FAM149B1: variants seen among roughly 807,000 people sequenced by gnomAD.
FAM149B1 encodes family with sequence similarity 149 member B1, also known as primary cilium assembly protein FAM149B1.
A neutral mutation model predicts 75.3 loss-of-function variants in FAM149B1; 56 were observed. That is an observed-to-expected ratio of 0.74 (90% CI 0.60 to 0.93). The LOEUF (loss-of-function observed/expected upper bound fraction) is 0.93, where lower values mean the gene tolerates loss of function less well. Ranked by LOEUF, FAM149B1 falls within the 40% of genes least tolerant of loss-of-function variation. The probability of loss-of-function intolerance (pLI) is 0.00; values close to 1 mark genes in which losing one functional copy is unlikely to be tolerated. For synonymous variants in FAM149B1, 259 were observed against 256.1 expected, an observed-to-expected ratio of 1.01 and a Z score of -0.11; for missense variants, 639 against 708.4, an observed-to-expected ratio of 0.90 and a Z score of 1.11.
chr10:73,230,027 A>T (rs1219599549), intron 8 of FAM149B1, among the ~76,000 whole-genome samples: 1 of 152,176 alleles, frequency 6.6e-6, no homozygotes, highest in African/African-American at 2.4e-5. Context: ...AGAGTGCAGG[A>T]TTGTGTGATG....
At position 73,194,432 on chromosome 10, in the gene FAM149B1, G is replaced by A. The variant is rs574947117; in HGVS notation, c.542+839G>A. ...TTTTGAGACGGAGTCTTGCTGTCTC[G>A]CCCAGGCTGGAGTGCAGTGGCGCAG... On this transcript the variant is annotated intron_variant, in intron 5 of 13. Transcript: ENST00000242505. Among the ~76,000 whole-genome samples, 96 of 151,784 alleles carry A rather than the reference G, an allele frequency of 6.3e-4. No homozygotes were observed. In the South Asian group the frequency reaches 0.015, roughly 24 times the overall value.
chr10:73,237,200 T>A (rs772154035), intron 12 of FAM149B1, among the ~76,000 whole-genome samples: 2 of 152,134 alleles, frequency 1.3e-5, no homozygotes, highest in Non-Finnish European at 2.9e-5. Context: ...GACATAAATT[T>A]TGAGGGAACA....
intron 3 of FAM149B1, among the ~76,000 whole-genome samples, chr10:73,181,288 C>T (rs1242095693): frequency 1.3e-5 from 2 of 152,114 alleles, no homozygotes; most frequent in African/African-American, 2.4e-5. Flanking sequence ...GGATTATAGG[C>T]GTGAGCCACC....
rs527939812 is a variant in FAM149B1 at position 73,179,209 on chromosome 10, C to T, written c.282+1234C>T. ...CGATCTCTTGACCTTGTAATCTGCCCGCCTCAGCCTCTCAAAGTGCTGGGA... is the reference window on the plus strand; with the variant it reads ...CGATCTCTTGACCTTGTAATCTGCCTGCCTCAGCCTCTCAAAGTGCTGGGA... On this transcript the variant is annotated intron_variant, in intron 3 of 13. Transcript: ENST00000242505. Among the ~76,000 whole-genome samples, 29 of 152,212 alleles carry T rather than the reference C, an allele frequency of 1.9e-4. No individual in the cohort carries two copies. In the South Asian group the frequency reaches 3.3e-3, roughly 17 times the overall value.
chr10:73,177,027 A>G lies in FAM149B1; in HGVS notation c.153-819A>G, dbSNP rs559589218. 8.6e-5 allele frequency among the ~76,000 whole-genome samples: 13 copies of G among 151,864 alleles called. No individual in the cohort carries two copies. In the East Asian group the frequency reaches 1.4e-3, roughly 16 times the overall value. ...GGCAACAGAGCGAGACTCCATCTCA[A>G]AAAAACAAAACAAAAGTACAAACAA... is the stretch of plus-strand genomic sequence containing the variant. On this transcript the variant is annotated intron_variant, in intron 2 of 13. Coordinates refer to ENST00000242505, the MANE Select transcript of FAM149B1 (RefSeq NM_173348.2).
chr10:73,196,856 G>A (rs947252399), intron 5 of FAM149B1, among the ~76,000 whole-genome samples: 2 of 152,104 alleles, frequency 1.3e-5, no homozygotes, highest in African/African-American at 2.4e-5. Flanking sequence ...TAGGTATTTG[G>A]TTCAGTTCTC....
rs2042328892 is a variant in FAM149B1, at chr10:73,178,997, G to A, written c.282+1022G>A. ...TTTGTTTTTTTTGGAACGGAGTCTCGCTCTGTTGCCAGGCTGGAGTGCAGT... is the reference window on the plus strand; with the variant it reads ...TTTGTTTTTTTTGGAACGGAGTCTCACTCTGTTGCCAGGCTGGAGTGCAGT... On this transcript the variant is annotated intron_variant, in intron 3 of 13. Coordinates refer to ENST00000242505, the MANE Select transcript of FAM149B1 (RefSeq NM_173348.2). Among the ~76,000 whole-genome samples the A allele has an allele frequency of 2.0e-5, 3 of 151,358 alleles. No individual in the cohort carries two copies. In the South Asian group the frequency reaches 6.3e-4, roughly 32 times the overall value.
intron 4 of FAM149B1, among the ~76,000 whole-genome samples, 196 bp downstream of exon 4, chr10:73,192,894 A>G (rs559795892): frequency 1.3e-5 from 2 of 152,228 alleles, no homozygotes; most frequent in Non-Finnish European, 2.9e-5. Flanking sequence ...TTAACTAACA[A>G]TATGTGATCC....
At chr10:73,189,411 T>G (rs759456298) in intron 3 of FAM149B1, among the ~76,000 whole-genome samples, 124 of 152,306 alleles carry the variant, frequency 8.1e-4, no homozygotes, top group Non-Finnish European at 1.6e-3. Context: ...TGAAAACATA[T>G]GTGTAGAAAA....
intron 5 of FAM149B1, among the ~76,000 whole-genome samples, chr10:73,202,841 C>T (rs1002676336): frequency 1.3e-5 from 2 of 152,054 alleles, no homozygotes; most frequent in Admixed American, 1.3e-4. Context: ...CTGGTGTGCA[C>T]CACCTCATCT....
At position 73,242,131 on chromosome 10, in the gene FAM149B1, A is replaced by C. The variant is rs1427523979; in HGVS notation, c.*1112A>C. On this transcript the variant is annotated 3_prime_UTR_variant, in exon 14 of 14. Coordinates refer to ENST00000242505, the MANE Select transcript of FAM149B1 (RefSeq NM_173348.2). ...TCATATGAAGACAGATGCTTCAAAC[A>C]ACCTGCATTAAATTATATTTTTAAT... 1 of 152,204 alleles carries C rather than the reference A, an allele frequency of 6.6e-6. No homozygotes were observed. Among genetic ancestry groups the C allele is most frequent in the Non-Finnish European group, 1.5e-5 (1 of 68,032 alleles). The allele number at this position is 152,204 out of a possible 1,614,324, so 9.4% of individuals were successfully genotyped here.
chr10:73,210,244 G>A lies in FAM149B1; in HGVS notation c.711-7G>A. The stretch of plus-strand genomic sequence containing the variant: ...CATGAAGTCTTTCCTTCTTGCTTCT[G>A]TTACAGAGAAGAGGGATTTCATGGG... On this transcript the variant is annotated splice_polypyrimidine_tract_variant and splice_region_variant and intron_variant, in intron 6 of 13. Coordinates refer to ENST00000242505, the MANE Select transcript of FAM149B1 (RefSeq NM_173348.2). 1 of 1,547,214 alleles carries A rather than the reference G, an allele frequency of 6.5e-7. No individual in the cohort carries two copies. The highest frequency in any genetic ancestry group is 1.2e-5 in the South Asian group (1 of 83,782).
intron 6 of FAM149B1, among the ~76,000 whole-genome samples, chr10:73,209,906 TC>T (rs2043150684): frequency 6.6e-6 from 1 of 151,264 alleles, no homozygotes; most frequent in Non-Finnish European, 1.5e-5. Context: ...TGCATTTTTT[TC>T]CCATTGTATT....
chr10:73,231,411 TC>T (rs1341411813), intron 9 of FAM149B1: 1 of 152,234 alleles, frequency 6.6e-6, no homozygotes, highest in Non-Finnish European at 1.5e-5. Flanking sequence ...CCATACGATT[TC>T]CCAAAGGAGT....
intron 10 of FAM149B1, chr10:73,234,506 T>G: frequency 7.2e-6 from 2 of 279,566 alleles, no homozygotes; most frequent in South Asian, 4.6e-5. Context: ...AGCTGGGAAT[T>G]TACAAATCCA....
chr10:73,198,937 T>A (rs2042869631), intron 5 of FAM149B1, among the ~76,000 whole-genome samples: 1 of 152,192 alleles, frequency 6.6e-6, no homozygotes, highest in African/African-American at 2.4e-5. Context: ...GGCCACTTGT[T>A]CCTTCCAATC....
intron 7 of FAM149B1, among the ~76,000 whole-genome samples, chr10:73,212,152 C>T (rs1345918811): frequency 6.6e-6 from 1 of 152,208 alleles, no homozygotes; most frequent in Non-Finnish European, 1.5e-5. Flanking sequence ...GGATATTTCT[C>T]AGATTTCATT....
chr10:73,181,552 G>A (rs1432796372), intron 3 of FAM149B1, among the ~76,000 whole-genome samples: 2 of 152,148 alleles, frequency 1.3e-5, no homozygotes, highest in African/African-American at 4.8e-5. Flanking sequence ...TGTTTATATA[G>A]CTTTCAAAAT....
rs1564722769 is a variant in FAM149B1, at chr10:73,243,499, T to C, written c.*2480T>C. ...GAGCCAGAAAATTGTCCATTTCCTTTTGCCGATCCTTTTGTCTGCTCTGTT... is the reference window on the plus strand; with the variant it reads ...GAGCCAGAAAATTGTCCATTTCCTTCTGCCGATCCTTTTGTCTGCTCTGTT... On this transcript the variant is annotated 3_prime_UTR_variant, in exon 14 of 14. Transcript: ENST00000242505. 1 of 1,614,200 alleles carries C rather than the reference T, an allele frequency of 6.2e-7. No homozygotes were observed. Among genetic ancestry groups the C allele is most frequent in the African/African-American group, 1.3e-5 (1 of 75,056 alleles).
Sources: allele counts gnomAD v4.1 joint callset (sites outside exome capture counted in the v4.1 genomes callset), GRCh38; gene constraint gnomAD v4.1.1; transcripts MANE v1.5; gene names NCBI Gene and HGNC (gene_info 2026-07-23, HGNC 2026-07-21).